The following PAX3 variants were observed in gnomAD, a reference collection of about 807,000 sequenced individuals.
The protein encoded by PAX3 is paired box protein Pax-3.
Under a neutral mutation model 51.6 loss-of-function variants are expected in PAX3, and 14 were observed. The observed-to-expected ratio is 0.27, with a 90% CI of 0.18 to 0.42. The LOEUF (loss-of-function observed/expected upper bound fraction) is 0.42. PAX3 is among the 10% of genes least tolerant of loss of function. The pLI is 1.00. For synonymous variants in PAX3, 280 were observed against 253.4 expected, an observed-to-expected ratio of 1.11 and a Z score of -1.00; for missense variants, 540 against 642.8, an observed-to-expected ratio of 0.84 and a Z score of 1.73.
At chr2:222,294,562 G>A (rs577052511) in intron 3 of PAX3, among the ~76,000 whole-genome samples, 15 of 151,842 alleles carry the variant, frequency 9.9e-5, no homozygotes, top group South Asian at 8.3e-4. Context: ...CTCCAAGTTA[G>A]GGCCGGATGC....
chr2:222,265,680 A>AAGGAAGGAAGGG (rs1559296287), intron 4 of PAX3, among the ~76,000 whole-genome samples: 7 of 149,898 alleles, frequency 4.7e-5, no homozygotes, highest in African/African-American at 1.7e-4. Context: ...GGAAGGAAGG[A>AAGGAAGGAAGGG]AGGAAGGAAG....
At chr2:222,232,766 T>C (rs1203280455) in intron 4 of PAX3, among the ~76,000 whole-genome samples, 2 of 152,220 alleles carry the variant, frequency 1.3e-5, no homozygotes, top group African/African-American at 4.8e-5. Context: ...ATGAAATCTG[T>C]TAAATGTGAT....
chr2:222,290,636 G>C (rs926601764), intron 4 of PAX3, among the ~76,000 whole-genome samples: 3 of 152,166 alleles, frequency 2.0e-5, no homozygotes, highest in African/African-American at 7.2e-5. Context: ...TTGTAACTTT[G>C]CATCTAAATA....
At position 222,202,846 on chromosome 2, in the gene PAX3, G is replaced by A. The variant is rs543996129; in HGVS notation, c.1174-656C>T. On this transcript the variant is annotated intron_variant, in intron 7 of 8. Coordinates refer to ENST00000392070, the MANE Select transcript of PAX3 (RefSeq NM_181458.4). ...ATTCATTAGTTCAGTCACCTGCTTTGACTGGTGAGAGCTTTGAGAGGAGCA... is the reference window on the plus strand; with the variant it reads ...ATTCATTAGTTCAGTCACCTGCTTTAACTGGTGAGAGCTTTGAGAGGAGCA... Among the ~76,000 whole-genome samples, 140 of 151,068 alleles carry A rather than the reference G, an allele frequency of 9.3e-4. 1 individual carries two copies. The highest frequency in any genetic ancestry group is 3.2e-3 in the African/African-American group (130 of 41,230).
intron 4 of PAX3, among the ~76,000 whole-genome samples, chr2:222,268,300 G>A (rs1694124054): frequency 1.3e-5 from 2 of 152,180 alleles, no homozygotes; most frequent in Admixed American, 1.3e-4. Context: ...TCTGGAAATA[G>A]TTTTTCAACC....
At chr2:222,211,924 C>A (rs993413817) in intron 7 of PAX3, among the ~76,000 whole-genome samples, 1 of 152,106 alleles carries the variant, frequency 6.6e-6, no homozygotes, top group Non-Finnish European at 1.5e-5. Flanking sequence ...TTCTACAGAG[C>A]CTGCTTTGGG....
chr2:222,294,306 G>T lies in PAX3; in HGVS notation c.452-5C>A. 6.2e-7 allele frequency: 1 copy of T among 1,614,148 alleles called. No homozygotes were observed. On this transcript the variant is annotated splice_polypyrimidine_tract_variant and splice_region_variant and intron_variant, in intron 3 of 8. Transcript: ENST00000392070. The stretch of plus-strand genomic sequence containing the variant: ...GGATGCGGCTGATGGAACTCACTGG[G>T]GGCGGGAGGAGGAAGGAAGCAAGGG...
intron 4 of PAX3, among the ~76,000 whole-genome samples, chr2:222,271,186 G>A (rs188933954): frequency 1.3e-5 from 2 of 152,308 alleles, no homozygotes; most frequent in East Asian, 3.9e-4. Flanking sequence ...TTCAGAGAGT[G>A]AACCAGGACA....
rs189592986 is a variant in PAX3 at position 222,222,465 on chromosome 2, G to A, written c.793-1078C>T. 1.7e-4 allele frequency among the ~76,000 whole-genome samples: 26 copies of A among 151,180 alleles called. No homozygotes were observed. In the East Asian group the frequency reaches 2.9e-3, roughly 17 times the overall value. On this transcript the variant is annotated intron_variant, in intron 5 of 8. Transcript: ENST00000392070. ...GTCGCCCAGTCTGGAGTGCAATGGCGGGATCTCAGTTCAACCCAACCTCCG... is the reference window on the plus strand; with the variant it reads ...GTCGCCCAGTCTGGAGTGCAATGGCAGGATCTCAGTTCAACCCAACCTCCG...
chr2:222,288,660 C>G (rs537013531), intron 4 of PAX3, among the ~76,000 whole-genome samples: 12 of 152,316 alleles, frequency 7.9e-5, no homozygotes, highest in Admixed American at 6.5e-5. Flanking sequence ...CCACACCCCC[C>G]CAAAATGAGA....
chr2:222,296,950 G>A (rs1193529434), intron 2 of PAX3, 28 bp downstream of exon 2: 1 of 1,574,628 alleles, frequency 6.4e-7, no homozygotes, highest in Non-Finnish European at 8.7e-7. Context: ...CAGTCTGGGA[G>A]CCAGGAGGGC....
chr2:222,253,623 C>T (rs1191477586), intron 4 of PAX3, among the ~76,000 whole-genome samples: 1 of 149,124 alleles, frequency 6.7e-6, no homozygotes, highest in Non-Finnish European at 1.5e-5. Context: ...AACCTCACTA[C>T]AAAACTTTTC....
At chr2:222,239,699 A>G (rs13388386) in intron 4 of PAX3, among the ~76,000 whole-genome samples, 20,978 of 151,942 alleles carry the variant, frequency 0.14, 1,770 homozygotes, top group African/African-American at 0.24. Flanking sequence ...GGGATGGTTT[A>G]CAACCTGTTC....
intron 4 of PAX3, among the ~76,000 whole-genome samples, chr2:222,265,323 T>C (rs750890772): frequency 3.3e-5 from 5 of 152,224 alleles, no homozygotes; most frequent in Non-Finnish European, 5.9e-5. Flanking sequence ...GGTTCTACGC[T>C]TTCCCCGTAG....
chr2:222,224,143 G>A (rs1692297462), intron 5 of PAX3, among the ~76,000 whole-genome samples: 1 of 152,184 alleles, frequency 6.6e-6, no homozygotes, highest in Non-Finnish European at 1.5e-5. Context: ...AGGTAACAAA[G>A]ACATTGAGTA....
At chr2:222,255,021 G>A (rs949768023) in intron 4 of PAX3, among the ~76,000 whole-genome samples, 1 of 152,126 alleles carries the variant, frequency 6.6e-6, no homozygotes, top group Non-Finnish European at 1.5e-5. Context: ...GACCTCAAGT[G>A]ATCCACCTGC....
chr2:222,203,156 AT>A (rs1481474664), intron 7 of PAX3, among the ~76,000 whole-genome samples: 1 of 149,758 alleles, frequency 6.7e-6, no homozygotes, highest in South Asian at 2.1e-4. Flanking sequence ...AAAAAAAAAA[AT>A]ATCCTGTGAC....
chr2:222,237,490 C>T (rs1692844666), intron 4 of PAX3, among the ~76,000 whole-genome samples: 1 of 152,142 alleles, frequency 6.6e-6, no homozygotes, highest in South Asian at 2.1e-4. Context: ...ATGAAATCTA[C>T]AGAACTACTA....
At chr2:222,261,070 C>T (rs1408840699) in intron 4 of PAX3, among the ~76,000 whole-genome samples, 5 of 152,198 alleles carry the variant, frequency 3.3e-5, no homozygotes, top group Non-Finnish European at 7.3e-5. Context: ...TACTGATAAA[C>T]TTTATCCTTA....
Sources: allele counts gnomAD v4.1 joint callset (sites outside exome capture counted in the v4.1 genomes callset), GRCh38; gene constraint gnomAD v4.1.1; transcripts MANE v1.5; gene names NCBI Gene and HGNC (gene_info 2026-07-23, HGNC 2026-07-21).